Variants in CASQ2 observed in about 807,000 individuals in gnomAD.
The protein encoded by CASQ2 is calsequestrin 2.
Under a neutral mutation model 46.5 loss-of-function variants are expected in CASQ2, and 49 were observed. That is an observed-to-expected ratio of 1.05 (90% CI 0.84 to 1.34). The LOEUF (loss-of-function observed/expected upper bound fraction) is 1.34, where lower values mean the gene tolerates loss of function less well. Among genes scored for constraint, CASQ2 ranks in the 40% most tolerant of loss-of-function variants. The pLI is 0.00. For synonymous variants in CASQ2, 174 were observed against 168.5 expected (o/e 1.03, Z -0.25); for missense variants, 486 against 481.3 (o/e 1.01, Z -0.09).
intron 8 of CASQ2, among the ~76,000 whole-genome samples, chr1:115,708,499 G>A (rs1044738580): frequency 2.0e-5 from 3 of 152,130 alleles, no homozygotes; most frequent in Non-Finnish European, 4.4e-5. Flanking sequence ...CTTGGCCAAG[G>A]TCGTGGATGT....
At chr1:115,744,596 C>G (rs1273434380) in intron 2 of CASQ2, among the ~76,000 whole-genome samples, 2 of 152,186 alleles carry the variant, frequency 1.3e-5, no homozygotes, top group Non-Finnish European at 2.9e-5. Flanking sequence ...AAGAAACCCT[C>G]TTCATCGTAC....
intron 9 of CASQ2, among the ~76,000 whole-genome samples, chr1:115,704,463 C>T (rs768372386): frequency 3.3e-4 from 50 of 152,098 alleles, no homozygotes; most frequent in Non-Finnish European, 6.3e-4. Flanking sequence ...TGAGAGGATT[C>T]GCTGTGATGA....
In CASQ2 at chr1:115,717,843, G is replaced by C; in HGVS notation, c.835C>G (p.Pro279Ala). The C allele has an allele frequency of 6.2e-7, 1 of 1,607,868 alleles. No homozygotes were observed. The highest frequency in any genetic ancestry group is 8.5e-7 in the Non-Finnish European group (1 of 1,174,402). ...GAGCAGGTTGAAGGTTTCCTACCTG[G>C]ATCACTCTTCTCTGCAAAGGCCACA... ...HIVAFAEKSD[P>A]DGYEFLEILK... The change falls in exon 8 of 11, where the codon CCA (proline) becomes GCA (alanine). Residue 279 changes from proline to alanine, a missense_variant. Pro to Ala is a conservative substitution (Grantham distance 27). Coordinates refer to ENST00000261448, the MANE Select transcript of CASQ2 (RefSeq NM_001232.4).
At chr1:115,728,322 A>C (rs931612586) in intron 5 of CASQ2, among the ~76,000 whole-genome samples, 6 of 152,232 alleles carry the variant, frequency 3.9e-5, no homozygotes, top group Non-Finnish European at 7.3e-5. Flanking sequence ...CTTAAGGGAG[A>C]GAAATTCCAG....
intron 2 of CASQ2, among the ~76,000 whole-genome samples, chr1:115,742,038 A>C (rs1648200509): frequency 6.6e-6 from 1 of 152,184 alleles, no homozygotes; most frequent in African/African-American, 2.4e-5. Flanking sequence ...GCAATGTGCC[A>C]GGTATTCTTT....
intron 1 of CASQ2, among the ~76,000 whole-genome samples, chr1:115,745,579 C>T (rs538304334): frequency 6.6e-6 from 1 of 152,128 alleles, no homozygotes; most frequent in East Asian, 1.9e-4. Flanking sequence ...TGACATCAAG[C>T]ACAAGATTGG....
chr1:115,753,913 C>G (rs4839481), intron 1 of CASQ2, among the ~76,000 whole-genome samples: 130,205 of 151,836 alleles, frequency 0.86, 59,445 homozygotes, highest in East Asian at 1. Context: ...AGTTGAGCCT[C>G]GGGGAAAATG....
At chr1:115,708,722 G>A (rs1414714033) in intron 8 of CASQ2, among the ~76,000 whole-genome samples, 5 of 152,220 alleles carry the variant, frequency 3.3e-5, no homozygotes, top group African/African-American at 1.2e-4. Context: ...AGGCAAGGAA[G>A]CTGGCTGGAA....
At chr1:115,734,420 T>G (rs1189861641) in intron 4 of CASQ2, among the ~76,000 whole-genome samples, 1 of 152,166 alleles carries the variant, frequency 6.6e-6, no homozygotes, top group Non-Finnish European at 1.5e-5. Flanking sequence ...GAGCTTCCCT[T>G]CCTCTCTTGG....
chr1:115,734,481 A>G (rs1311121524), intron 4 of CASQ2, among the ~76,000 whole-genome samples: 4 of 152,230 alleles, frequency 2.6e-5, no homozygotes, highest in African/African-American at 9.6e-5. Context: ...GGTGACCTCC[A>G]GATGGGTGAT....
chr1:115,758,275 A>C (rs1225976447), intron 1 of CASQ2, among the ~76,000 whole-genome samples: 2 of 152,242 alleles, frequency 1.3e-5, no homozygotes, highest in Non-Finnish European at 2.9e-5. Context: ...TAATATTGTA[A>C]GAATTAAATA....
chr1:115,761,118 G>C (rs1570858273), intron 1 of CASQ2, among the ~76,000 whole-genome samples: 1 of 151,754 alleles, frequency 6.6e-6, no homozygotes, highest in South Asian at 2.1e-4. Flanking sequence ...GTAAATAGAA[G>C]AGAAGTTCAG....
intron 1 of CASQ2, among the ~76,000 whole-genome samples, chr1:115,747,892 T>C (rs563364066): frequency 6.6e-6 from 1 of 152,356 alleles, no homozygotes; most frequent in Admixed American, 6.5e-5. Flanking sequence ...GACAATTTTG[T>C]CACCTGCTAA....
In CASQ2 at chr1:115,701,319, A is replaced by T. The variant is rs774822570; in HGVS notation, c.1122T>A (p.Asp374Glu). ...CATCATCATCATCATCTTCATCATC[A>T]TCTTCAGTGTTTATCTTTCCAGAAA... ...DVLSGKINTE[D>E]DDEDDDDDDN... The change falls in exon 11 of 11, where the codon GAT becomes GAA. Residue 374 changes from aspartate to glutamate, a missense_variant. By Grantham distance (45) the Asp-to-Glu change is conservative (BLOSUM62 2). Transcript: ENST00000261448. 2 of 1,607,134 alleles carry T rather than the reference A, an allele frequency of 1.2e-6. No individual in the cohort carries two copies. The highest frequency in any genetic ancestry group is 2.2e-5 in the East Asian group (1 of 44,828).
chr1:115,741,347 T>C (rs1648172551), intron 2 of CASQ2, among the ~76,000 whole-genome samples: 1 of 152,248 alleles, frequency 6.6e-6, no homozygotes, highest in African/African-American at 2.4e-5. Context: ...CATTATTCTC[T>C]AGACTTAGTT....
intron 4 of CASQ2, among the ~76,000 whole-genome samples, chr1:115,735,156 A>T (rs1347960933): frequency 1.3e-5 from 2 of 152,188 alleles, no homozygotes; most frequent in Non-Finnish European, 2.9e-5. Flanking sequence ...TCAGAGAAAA[A>T]GTTCATCATA....
chr1:115,727,483 C>T (rs1470934518), intron 5 of CASQ2, among the ~76,000 whole-genome samples: 3 of 152,156 alleles, frequency 2.0e-5, no homozygotes, highest in Admixed American at 6.6e-5. Flanking sequence ...ATTTACTATC[C>T]TGTGTTGTAT....
chr1:115,716,930 C>G (rs1421477943), intron 8 of CASQ2, among the ~76,000 whole-genome samples: 1 of 152,142 alleles, frequency 6.6e-6, no homozygotes, highest in Non-Finnish European at 1.5e-5. Context: ...ATGTAATCCC[C>G]AATGCTGGAG....
At chr1:115,709,747 C>T (rs762101424) in intron 8 of CASQ2, among the ~76,000 whole-genome samples, 3 of 152,232 alleles carry the variant, frequency 2.0e-5, no homozygotes, top group Non-Finnish European at 2.9e-5. Flanking sequence ...ATCATTCTAA[C>T]AGCCAAGAAT....
Sources: allele counts gnomAD v4.1 joint callset (sites outside exome capture counted in the v4.1 genomes callset), GRCh38; gene constraint gnomAD v4.1.1; transcripts MANE v1.5; gene names NCBI Gene and HGNC (gene_info 2026-07-23, HGNC 2026-07-21).